DPYSL5: variants seen among roughly 807,000 people sequenced by gnomAD.
The protein encoded by DPYSL5 is dihydropyrimidinase like 5.
In DPYSL5, 9 loss-of-function variants were observed where a neutral mutation model predicts 58.4. The observed-to-expected ratio is 0.15, with a 90% CI of 0.09 to 0.27. The LOEUF is 0.27. DPYSL5 is among the 10% of genes least tolerant of loss of function. The probability of loss-of-function intolerance (pLI) is 1.00; values close to 1 mark genes in which losing one functional copy is unlikely to be tolerated. For missense variants in DPYSL5, 499 were observed against 770.6 expected (o/e 0.65, Z 4.17); for synonymous variants, 293 against 301.9 (o/e 0.97, Z 0.31).
chr2:26,899,305 A>G (rs988741844), intron 2 of DPYSL5, among the ~76,000 whole-genome samples: 7 of 152,266 alleles, frequency 4.6e-5, no homozygotes, highest in Non-Finnish European at 1.0e-4. Flanking sequence ...ACAGTTACTG[A>G]GCTGGACCTG....
rs372618089 is a variant in DPYSL5, at chr2:26,939,986, C to G, written c.948-45C>G. ...ATATCTATCCTCACCCTCTAAGTTC[C>G]TCACCTCCCCTCCCCTTACTGGTCA... On this transcript the variant is annotated intron_variant, in intron 8 of 12. Transcript: ENST00000288699. 1.9e-6 allele frequency: 3 copies of G among 1,611,918 alleles called. No individual in the cohort carries two copies. The East Asian group carries it at 6.7e-5, about 36-fold the overall frequency.
intron 1 of DPYSL5, among the ~76,000 whole-genome samples, chr2:26,867,463 T>G (rs112159914): frequency 0.058 from 8,480 of 147,122 alleles, 672 homozygotes; most frequent in African/African-American, 0.18. Flanking sequence ...TTGTTTGTTT[T>G]TTTTTTTTTT....
At chr2:26,893,154 C>T (rs1440264444) in intron 1 of DPYSL5, among the ~76,000 whole-genome samples, 2 of 152,228 alleles carry the variant, frequency 1.3e-5, no homozygotes, top group African/African-American at 2.4e-5. Context: ...TTTCCCAGCA[C>T]TCCCTCAGGC....
At chr2:26,902,241 T>C (rs920348340) in intron 2 of DPYSL5, among the ~76,000 whole-genome samples, 1 of 152,004 alleles carries the variant, frequency 6.6e-6, no homozygotes, top group African/African-American at 2.4e-5. Context: ...TTTAGTCTGG[T>C]TGTGGGGTCT....
chr2:26,935,065 G>A (rs2148169448), intron 8 of DPYSL5, among the ~76,000 whole-genome samples: 1 of 152,326 alleles, frequency 6.6e-6, no homozygotes, highest in African/African-American at 2.4e-5. Flanking sequence ...ATCCTAGAAT[G>A]TAGGGGTCCT....
At chr2:26,852,231 G>A (rs1665774311) in intron 1 of DPYSL5, among the ~76,000 whole-genome samples, 1 of 152,180 alleles carries the variant, frequency 6.6e-6, no homozygotes. Flanking sequence ...TAATATGGGA[G>A]CAAATAAGAA....
chr2:26,918,239 G>A (rs1282026418), intron 2 of DPYSL5, among the ~76,000 whole-genome samples: 1 of 151,952 alleles, frequency 6.6e-6, no homozygotes, highest in Non-Finnish European at 1.5e-5. Flanking sequence ...GGGTGGGCCT[G>A]GACAGTGGGC....
At chr2:26,893,730 C>G (rs911128860) in intron 1 of DPYSL5, among the ~76,000 whole-genome samples, 1 of 151,898 alleles carries the variant, frequency 6.6e-6, no homozygotes, top group Non-Finnish European at 1.5e-5. Flanking sequence ...GGACCCTACT[C>G]CATAGGTGGA....
chr2:26,856,492 A>G (rs1379649666), intron 1 of DPYSL5, among the ~76,000 whole-genome samples: 1 of 152,130 alleles, frequency 6.6e-6, no homozygotes, highest in African/African-American at 2.4e-5. Context: ...TTTCATTGCT[A>G]TATAGCATCC....
intron 1 of DPYSL5, among the ~76,000 whole-genome samples, chr2:26,865,478 GC>G (rs1666118640): frequency 6.6e-6 from 1 of 151,302 alleles, no homozygotes; most frequent in Non-Finnish European, 1.5e-5. Context: ...GCACCACCAC[GC>G]CCAGCTAATT....
Position 26,944,323 on chromosome 2 carries a change from C to T in DPYSL5, c.1441-333C>T, listed in dbSNP as rs1286744614. 6.6e-6 allele frequency among the ~76,000 whole-genome samples: 1 copy of T among 152,114 alleles called. No individual in the cohort carries two copies. The highest frequency in any genetic ancestry group is 2.4e-5 in the African/African-American group (1 of 41,416). On this transcript the variant is annotated intron_variant, in intron 11 of 12. Coordinates refer to ENST00000288699, the MANE Select transcript of DPYSL5 (RefSeq NM_020134.4). The surrounding 1 kb of genome is among the most constrained non-coding windows in gnomAD (Gnocchi z 4.4). The stretch of plus-strand genomic sequence containing the variant: ...GAAAAATTTGGTTAAAGTTGACTTC[C>T]TCAGATGTCTACCTGCTACCTCGGT...
intron 9 of DPYSL5, 30 bp downstream of exon 9, chr2:26,940,202 G>A (rs1665280302): frequency 1.2e-6 from 2 of 1,610,348 alleles, no homozygotes; most frequent in Non-Finnish European, 1.7e-6. Flanking sequence ...GCCCCGATCT[G>A]ATCCCTGCTC....
chr2:26,903,976 A>G (rs1253515959), intron 2 of DPYSL5, among the ~76,000 whole-genome samples: 4 of 152,230 alleles, frequency 2.6e-5, no homozygotes, highest in Non-Finnish European at 5.9e-5. Flanking sequence ...TCTGTGCCAG[A>G]GGCTATCTCG....
chr2:26,882,003 A>G (rs1292487089), intron 1 of DPYSL5, among the ~76,000 whole-genome samples: 1 of 149,036 alleles, frequency 6.7e-6, no homozygotes, highest in Non-Finnish European at 1.5e-5. Context: ...AGGCAGGAGA[A>G]TGGCGTGAAC....
intron 1 of DPYSL5, among the ~76,000 whole-genome samples, chr2:26,884,517 ATC>A (rs1553316105): frequency 2.0e-5 from 3 of 146,404 alleles, no homozygotes; most frequent in Non-Finnish European, 3.0e-5. Flanking sequence ...AGCTTGTCCT[ATC>A]TCACACACAC....
At chr2:26,895,092 A>G (rs1040578684) in intron 1 of DPYSL5, among the ~76,000 whole-genome samples, 20 of 152,238 alleles carry the variant, frequency 1.3e-4, no homozygotes, top group African/African-American at 4.3e-4. Flanking sequence ...TTTGTCAAAA[A>G]TCAGTTGACC....
intron 2 of DPYSL5, among the ~76,000 whole-genome samples, chr2:26,920,927 A>G (rs967466852): frequency 1.3e-5 from 2 of 152,226 alleles, no homozygotes; most frequent in African/African-American, 4.8e-5. Context: ...CTTCGTGAAC[A>G]TCATTTTTTT....
chr2:26,913,295 C>T (rs1477771568), intron 2 of DPYSL5, among the ~76,000 whole-genome samples: 1 of 152,180 alleles, frequency 6.6e-6, no homozygotes, highest in East Asian at 1.9e-4. Context: ...CCCTGGCAAT[C>T]ACCATCTTAT....
intron 1 of DPYSL5, among the ~76,000 whole-genome samples, chr2:26,896,579 A>G (rs1375421979): frequency 6.6e-6 from 1 of 152,166 alleles, no homozygotes; most frequent in Non-Finnish European, 1.5e-5. Context: ...AGTCATTCTA[A>G]CAGGTGTGTG....
Sources: gnomAD v4.1 joint callset for allele counts (sites outside exome capture counted in the v4.1 genomes callset) on GRCh38, gnomAD v4.1.1 for gene constraint, Gnocchi (gnomAD v3.1) non-coding constraint, MANE v1.5 for transcripts, NCBI Gene and HGNC (gene_info 2026-07-23, HGNC 2026-07-21) for gene names.